Variants in ACVR1 observed in about 807,000 individuals in gnomAD.
ACVR1 encodes the protein activin A receptor type 1.
In ACVR1, 38 loss-of-function variants were observed where a neutral mutation model predicts 57.1. The observed-to-expected ratio is 0.67, with a 90% confidence interval of 0.51 to 0.87. The LOEUF (loss-of-function observed/expected upper bound fraction) is 0.87. Among genes scored for constraint, ACVR1 ranks in the 40% least tolerant of loss-of-function variants. ACVR1 has a pLI of 0.00. For missense variants in ACVR1, 463 were observed against 638.2 expected (o/e 0.73, Z 2.96); for synonymous variants, 212 against 228.1 (o/e 0.93, Z 0.63).
At position 157,846,153 on chromosome 2, in the gene ACVR1, G is replaced by C. The variant is rs1689121785; in HGVS notation, c.-182-27594C>G. Among the ~76,000 whole-genome samples the C allele has an allele frequency of 2.0e-5, 3 of 152,190 alleles. No individual in the cohort carries two copies. The South Asian group carries it at 6.2e-4, about 32-fold the overall frequency. On this transcript the variant is annotated intron_variant, in intron 1 of 10. Coordinates refer to ENST00000434821, the MANE Select transcript of ACVR1 (RefSeq NM_001111067.4). Reference sequence around the variant, plus strand: ...TAATCACAAATGTCCTTTTAAGAAAGAGACAAGGAGATTTAACTTCACAGA... The same window carrying C: ...TAATCACAAATGTCCTTTTAAGAAACAGACAAGGAGATTTAACTTCACAGA...
At chr2:157,767,386 T>C (rs903259713) in intron 7 of ACVR1, among the ~76,000 whole-genome samples, 1 of 152,164 alleles carries the variant, frequency 6.6e-6, no homozygotes, top group African/African-American at 2.4e-5. Context: ...TGCAGAAGAC[T>C]GTCTGGAAGT....
rs1393779648 is a variant in ACVR1 at position 157,774,089 on chromosome 2, G to T, written c.642C>A (p.Val214=). Residue 214 remains valine, a splice_region_variant and synonymous_variant, in exon 6 of 11, where the codon GTC becomes GTA. Coordinates refer to ENST00000434821, the MANE Select transcript of ACVR1 (RefSeq NM_001111067.4). ...VARQITLLEC[V]GKGRYGEVWR... is the part of the protein sequence containing the mutation. Reference sequence around the variant, plus strand: ...AAAGAAAGGAAAAAAAAGAATTACCGACACACTCCAACAGTGTAATCTGGC... The same window carrying T: ...AAAGAAAGGAAAAAAAAGAATTACCTACACACTCCAACAGTGTAATCTGGC... 1.9e-6 allele frequency: 3 copies of T among 1,612,956 alleles called. No homozygotes were observed.
chr2:157,819,889 CA>C (rs1688102415), intron 1 of ACVR1, among the ~76,000 whole-genome samples: 1 of 152,124 alleles, frequency 6.6e-6, no homozygotes, highest in Non-Finnish European at 1.5e-5. Context: ...TTAAGTAACA[CA>C]AAACACTGAA....
chr2:157,862,526 AAAT>A (rs1371989160), intron 1 of ACVR1, among the ~76,000 whole-genome samples: 3 of 152,052 alleles, frequency 2.0e-5, no homozygotes, highest in South Asian at 2.1e-4. Context: ...AAGATACGGA[AAAT>A]AATTAAGGCT....
At chr2:157,791,761 A>C (rs1453493001) in intron 3 of ACVR1, among the ~76,000 whole-genome samples, 3 of 152,220 alleles carry the variant, frequency 2.0e-5, no homozygotes, top group Non-Finnish European at 2.9e-5. Flanking sequence ...TCCTTTCAGA[A>C]CACATTCTTT....
intron 1 of ACVR1, among the ~76,000 whole-genome samples, chr2:157,855,319 T>TACACACACAC (rs775743957): frequency 1.0e-5 from 1 of 99,152 alleles, no homozygotes; most frequent in Admixed American, 1.2e-4. Context: ...TATATATATA[T>TACACACACAC]ATATACACAC....
intron 1 of ACVR1, among the ~76,000 whole-genome samples, chr2:157,820,174 T>C (rs904839141): frequency 1.3e-5 from 2 of 152,220 alleles, no homozygotes; most frequent in Non-Finnish European, 2.9e-5. Context: ...GAATAAGACA[T>C]GTAAAACTAT....
intron 5 of ACVR1, among the ~76,000 whole-genome samples, chr2:157,775,462 A>G (rs572052747): frequency 2.4e-4 from 37 of 152,356 alleles, no homozygotes; most frequent in Non-Finnish European, 5.3e-4. Context: ...TCCTTTCCCA[A>G]ACATTTTGGC....
chr2:157,759,096 A>G (rs537382633), intron 9 of ACVR1, among the ~76,000 whole-genome samples: 1 of 152,062 alleles, frequency 6.6e-6, no homozygotes, highest in Non-Finnish European at 1.5e-5. Context: ...CTAGAAAAGC[A>G]AGAACAAACC....
Position 157,788,220 on chromosome 2 carries a change from C to G in ACVR1, c.68-7620G>C, listed in dbSNP as rs148027245. 3.3e-3 allele frequency among the ~76,000 whole-genome samples: 500 copies of G among 152,306 alleles called. 3 individuals are homozygous for G. The highest frequency in any genetic ancestry group is 0.011 in the African/African-American group (447 of 41,572). On this transcript the variant is annotated intron_variant, in intron 3 of 10. Coordinates refer to ENST00000434821, the MANE Select transcript of ACVR1 (RefSeq NM_001111067.4). ...AACTTCCAGACTACAGTAGTCCCCA[C>G]TTATCCCCCCTTATGCACCGTTTCA...
intron 2 of ACVR1, among the ~76,000 whole-genome samples, chr2:157,817,800 A>C (rs1041197078): frequency 6.6e-6 from 1 of 152,156 alleles, no homozygotes; most frequent in Non-Finnish European, 1.5e-5. Context: ...GGAGTTCGAG[A>C]CCAGCCTGGC....
At chr2:157,838,583 CCTT>C (rs1404381316) in intron 1 of ACVR1, among the ~76,000 whole-genome samples, 1 of 152,124 alleles carries the variant, frequency 6.6e-6, no homozygotes, top group East Asian at 1.9e-4. Context: ...GAAAATATGT[CCTT>C]CTGTAACAGA....
At chr2:157,779,018 C>G (rs919651352) in intron 4 of ACVR1, among the ~76,000 whole-genome samples, 1 of 152,200 alleles carries the variant, frequency 6.6e-6, no homozygotes, top group Non-Finnish European at 1.5e-5. Flanking sequence ...GTTTAACTTT[C>G]CAAGCCCAAC....
rs567885500 is a variant in ACVR1 at position 157,776,272 on chromosome 2, C to T, written c.543+1859G>A. Among the ~76,000 whole-genome samples the T allele has an allele frequency of 1.6e-4, 25 of 152,276 alleles. No individual in the cohort carries two copies. The South Asian group carries it at 3.5e-3, about 21-fold the overall frequency. On this transcript the variant is annotated intron_variant, in intron 5 of 10. Transcript: ENST00000434821. ...AAAGCCATTTAAACAGTAATTTATA[C>T]CAGATATTCCTATTATTGCCCTTGG...
intron 7 of ACVR1, among the ~76,000 whole-genome samples, chr2:157,767,157 G>A (rs776371182): frequency 6.6e-5 from 10 of 151,876 alleles, no homozygotes; most frequent in Non-Finnish European, 1.3e-4. Context: ...TCAGCCTCCC[G>A]AGTAGCTGGG....
intron 2 of ACVR1, among the ~76,000 whole-genome samples, chr2:157,816,386 C>A (rs1445957788): frequency 2.0e-5 from 3 of 151,690 alleles, no homozygotes; most frequent in Non-Finnish European, 4.4e-5. Flanking sequence ...CAGTTCAACA[C>A]CAGCCTGGGC....
At chr2:157,805,824 T>TC (rs1687506592) in intron 2 of ACVR1, among the ~76,000 whole-genome samples, 1 of 32,922 alleles carries the variant, frequency 3.0e-5, no homozygotes, top group African/African-American at 3.7e-5. Flanking sequence ...TTTTTTCTTT[T>TC]TTTTTTTTTT....
At chr2:157,829,293 A>G (rs1688502899) in intron 1 of ACVR1, among the ~76,000 whole-genome samples, 1 of 152,306 alleles carries the variant, frequency 6.6e-6, no homozygotes, top group Non-Finnish European at 1.5e-5. Flanking sequence ...ATCTTCTGCA[A>G]TGGAACCACT....
intron 5 of ACVR1, among the ~76,000 whole-genome samples, chr2:157,776,716 G>A (rs1242679888): frequency 6.6e-6 from 1 of 152,166 alleles, no homozygotes; most frequent in Non-Finnish European, 1.5e-5. Context: ...TCCTGCAATT[G>A]TCCAGGTGTA....
Sources: allele counts gnomAD v4.1 joint callset (sites outside exome capture counted in the v4.1 genomes callset), GRCh38; gene constraint gnomAD v4.1.1; transcripts MANE v1.5; gene names NCBI Gene and HGNC (gene_info 2026-07-23, HGNC 2026-07-21).